FMO1: variants seen among roughly 807,000 people sequenced by gnomAD.
FMO1 encodes the protein flavin containing dimethylaniline monoxygenase 1.
A neutral mutation model predicts 45.4 loss-of-function variants in FMO1; 36 were observed. The ratio of observed to expected loss-of-function variants is 0.79; its 90% confidence interval spans 0.61 to 1.05. The LOEUF is 1.05. Among genes scored for constraint, FMO1 ranks in the 50% least tolerant of loss-of-function variants. FMO1 has a pLI of 0.00. For synonymous variants in FMO1, 228 were observed against 227.2 expected, an observed-to-expected ratio of 1.00 and a Z score of -0.03; for missense variants, 615 against 640.3, an observed-to-expected ratio of 0.96 and a Z score of 0.43.
At chr1:171,266,458 G>T (rs2101814271) in intron 2 of FMO1, among the ~76,000 whole-genome samples, 1 of 152,270 alleles carries the variant, frequency 6.6e-6, no homozygotes, top group South Asian at 2.1e-4. Flanking sequence ...AAGCATTTTA[G>T]CTGAGTCTGT....
chr1:171,254,424 T>C (rs1005106771), intron 1 of FMO1, among the ~76,000 whole-genome samples: 1 of 152,182 alleles, frequency 6.6e-6, no homozygotes, highest in Non-Finnish European at 1.5e-5. Context: ...ATATAGATGA[T>C]AAATGAATTC....
Position 171,269,493 on chromosome 1 carries a change from C to T in FMO1, c.321+1762C>T, listed in dbSNP as rs534964200. Among the ~76,000 whole-genome samples, 16 of 152,068 alleles carry T rather than the reference C, an allele frequency of 1.1e-4. No homozygotes were observed. The East Asian group carries it at 2.3e-3, about 22-fold the overall frequency. ...CAATTATTAGTTTATTAGTATCATC[C>T]GGGACTTAGATGTTCAGTATTCCTC... On this transcript the variant is annotated intron_variant, in intron 3 of 8. Transcript: ENST00000617670.
intron 6 of FMO1, 113 bp downstream of exon 6, chr1:171,281,098 T>G: frequency 1.3e-6 from 1 of 792,682 alleles, no homozygotes; most frequent in East Asian, 2.6e-5. Context: ...GTGGGAACAC[T>G]TGATACAAAT....
chr1:171,251,915 G>C (rs1343129364), intron 1 of FMO1: 1 of 151,976 alleles, frequency 6.6e-6, no homozygotes, highest in African/African-American at 2.4e-5. Flanking sequence ...GAGGAGCGCT[G>C]CCGCATATGC....
intron 4 of FMO1, among the ~76,000 whole-genome samples, chr1:171,277,109 TAAG>T (rs1426101770): frequency 6.6e-6 from 1 of 152,164 alleles, no homozygotes; most frequent in Admixed American, 6.5e-5. Context: ...GCTAAATGAT[TAAG>T]GAGTCTTTGA....
chr1:171,254,509 G>A (rs1337613354), intron 1 of FMO1, among the ~76,000 whole-genome samples: 1 of 152,126 alleles, frequency 6.6e-6, no homozygotes, highest in Non-Finnish European at 1.5e-5. Flanking sequence ...GTGTTGTTAG[G>A]AGCTACAAGA....
Position 171,285,610 on chromosome 1 carries a change from G to T in FMO1, c.*66G>T, listed in dbSNP as rs929685602. 1 of 983,678 alleles carries T rather than the reference G, an allele frequency of 1.0e-6. No individual in the cohort carries two copies. Among genetic ancestry groups the T allele is most frequent in the African/African-American group, 1.7e-5 (1 of 60,606 alleles). 60.9% of individuals were successfully genotyped at this position (983,678 alleles called of 1,614,324 possible). On this transcript the variant is annotated 3_prime_UTR_variant, in exon 9 of 9. Coordinates refer to ENST00000617670, the MANE Select transcript of FMO1 (RefSeq NM_001282693.2). Reference sequence around the variant, plus strand: ...ACAATGCTCCAATTCCTCTCTTACAGCAATATTGCCTTCACAGTTATAAAC... The same window carrying T: ...ACAATGCTCCAATTCCTCTCTTACATCAATATTGCCTTCACAGTTATAAAC...
chr1:171,261,610 G>A lies in FMO1; in HGVS notation c.132+3391G>A, dbSNP rs1029045385. ...ATAAATTACTGCATTTTGGCCAGGC[G>A]CGGTGGCTCATGCCTGTAATCCCAG... On this transcript the variant is annotated intron_variant, in intron 2 of 8. Transcript: ENST00000617670. Among the ~76,000 whole-genome samples the A allele has an allele frequency of 7.9e-5, 12 of 152,152 alleles. 1 individual carries two copies. The highest frequency in any genetic ancestry group is 2.1e-4 in the South Asian group (1 of 4,806).
At chr1:171,275,278 T>C (rs1449515697) in intron 3 of FMO1, 68 bp from the exon 4 acceptor site, 1 of 1,230,880 alleles carries the variant, frequency 8.1e-7, no homozygotes, top group African/African-American at 1.5e-5. Flanking sequence ...ATATCAATGG[T>C]ACATCAACTG....
chr1:171,272,687 G>A (rs909191273), intron 3 of FMO1, among the ~76,000 whole-genome samples: 1 of 152,188 alleles, frequency 6.6e-6, no homozygotes, highest in Non-Finnish European at 1.5e-5. Flanking sequence ...GCTGGATTTC[G>A]GACTTGCATG....
chr1:171,271,186 T>C (rs28360390), intron 3 of FMO1: 1 of 856,110 alleles, frequency 1.2e-6, no homozygotes, highest in Admixed American at 1.8e-5. Context: ...TGCAGCAGTG[T>C]TATTCCACAT....
At chr1:171,252,672 A>C (rs1297581646) in intron 1 of FMO1, among the ~76,000 whole-genome samples, 2 of 152,136 alleles carry the variant, frequency 1.3e-5, no homozygotes, top group Admixed American at 6.5e-5. Context: ...CTTAACTTAC[A>C]GGGAGGGGCC....
At chr1:171,250,315 G>T (rs1659827811) in intron 1 of FMO1, among the ~76,000 whole-genome samples, 1 of 152,168 alleles carries the variant, frequency 6.6e-6, no homozygotes. Flanking sequence ...GCTTTGCAAA[G>T]ATATGATGTC....
chr1:171,283,134 A>T lies in FMO1; in HGVS notation c.1184-10A>T. On this transcript the variant is annotated splice_polypyrimidine_tract_variant and intron_variant, in intron 7 of 8. Transcript: ENST00000617670. ...AAGTTGCATTTGAGGTTTTTATTTT[A>T]ATCCTACAGGTGTAAATAAGTTACC... 1 of 1,468,946 alleles carries T rather than the reference A, an allele frequency of 6.8e-7. No homozygotes were observed. The highest frequency in any genetic ancestry group is 9.4e-7 in the Non-Finnish European group (1 of 1,059,806). The allele number at this position is 1,468,946 out of a possible 1,614,324, so 91.0% of individuals were successfully genotyped here.
At chr1:171,249,835 G>A (rs914156518) in intron 1 of FMO1, among the ~76,000 whole-genome samples, 7 of 152,178 alleles carry the variant, frequency 4.6e-5, no homozygotes, top group Admixed American at 4.6e-4. Flanking sequence ...GAGTCACACT[G>A]GAAACAGTTA....
Position 171,285,826 on chromosome 1 carries a change from GCCATCATAC to G in FMO1, c.*284_*292del. 1 of 272,352 alleles carries G rather than the reference GCCATCATAC, an allele frequency of 3.7e-6. No homozygotes were observed. The highest frequency in any genetic ancestry group is 6.8e-6 in the Non-Finnish European group (1 of 147,116). The allele number at this position is 272,352 out of a possible 1,614,324, so 16.9% of individuals were successfully genotyped here. A position where few individuals can be genotyped will look rare whatever the true frequency, so the allele number is the denominator to read the frequency against. On this transcript the variant is annotated 3_prime_UTR_variant, in exon 9 of 9. Transcript: ENST00000617670. ...AAAGCTGTTCTTGACAGCACTCTGA[GCCATCATAC>G]CTCTTTCCCATATAAACTATTTTCA...
At chr1:171,282,554 T>C (rs1191088397) in intron 7 of FMO1, 1 of 439,582 alleles carries the variant, frequency 2.3e-6, no homozygotes, top group Non-Finnish European at 4.0e-6. Flanking sequence ...TTTTTTGATA[T>C]ACCAAAAATA....
intron 2 of FMO1, among the ~76,000 whole-genome samples, chr1:171,262,539 C>T (rs1271517766): frequency 2.0e-5 from 3 of 152,180 alleles, no homozygotes; most frequent in Admixed American, 6.5e-5. Flanking sequence ...TGAAACCCTA[C>T]TATGTGCCTT....
intron 1 of FMO1, among the ~76,000 whole-genome samples, chr1:171,255,185 A>G (rs184261082): frequency 4.6e-5 from 7 of 152,332 alleles, no homozygotes; most frequent in Non-Finnish European, 1.0e-4. Flanking sequence ...TGTCATCTAG[A>G]TGCTGCTTGA....
Sources: allele counts gnomAD v4.1 joint callset (sites outside exome capture counted in the v4.1 genomes callset), GRCh38; gene constraint gnomAD v4.1.1; transcripts MANE v1.5; gene names NCBI Gene and HGNC (gene_info 2026-07-23, HGNC 2026-07-21).